Variants in SLCO1B3 observed in about 807,000 individuals in gnomAD.
The protein encoded by SLCO1B3 is liver-specific organic anion transporter 2.
SLCO1B3 carries 72 observed loss-of-function variants against 71.8 expected under a neutral mutation model. The ratio of observed to expected loss-of-function variants is 1.00; its 90% CI spans 0.83 to 1.22. The LOEUF is 1.22. Among genes scored for constraint, SLCO1B3 ranks in the 50% most tolerant of loss-of-function variants. The pLI is 0.00. For synonymous variants in SLCO1B3, 298 were observed against 278.4 expected (o/e 1.07, Z -0.70); for missense variants, 911 against 819.7 (o/e 1.11, Z -1.36).
chr12:20,885,985 G>A (rs1865785867), intron 13 of SLCO1B3, among the ~76,000 whole-genome samples: 1 of 152,084 alleles, frequency 6.6e-6, no homozygotes. Context: ...TTCACAATGA[G>A]GTATTATTGA....
At chr12:20,903,957 T>C (rs1866181040) in intron 15 of SLCO1B3, among the ~76,000 whole-genome samples, 1 of 152,092 alleles carries the variant, frequency 6.6e-6, no homozygotes, top group Admixed American at 6.6e-5. Flanking sequence ...TAGTTACTTC[T>C]GGCCAGGCGC....
rs564531696 is a variant in SLCO1B3, at chr12:20,832,088, A to G, written c.84+16266A>G. Among the ~76,000 whole-genome samples, 4 of 152,294 alleles carry G rather than the reference A, an allele frequency of 2.6e-5. No individual in the cohort carries two copies. In the South Asian group the frequency reaches 8.3e-4, roughly 32 times the overall value. On this transcript the variant is annotated intron_variant, in intron 3 of 15. Transcript: ENST00000381545. ...TTCCATGCTCTCAACTCTGTTTCAC[A>G]TTGCTAAAGTAACTGTGGACTTTTG...
chr12:20,885,158 C>A (rs977544774), intron 13 of SLCO1B3, among the ~76,000 whole-genome samples: 2 of 152,118 alleles, frequency 1.3e-5, no homozygotes, highest in Non-Finnish European at 2.9e-5. Context: ...TACCACTTAT[C>A]AGAGCATTTA....
chr12:20,869,874 G>A (rs1472719353), intron 8 of SLCO1B3, among the ~76,000 whole-genome samples: 2 of 152,026 alleles, frequency 1.3e-5, no homozygotes, highest in Non-Finnish European at 2.9e-5. Flanking sequence ...TCCATCATAT[G>A]GTAGTTCTAT....
At chr12:20,830,131 C>G (rs1488973653) in intron 3 of SLCO1B3, among the ~76,000 whole-genome samples, 2 of 152,186 alleles carry the variant, frequency 1.3e-5, no homozygotes, top group African/African-American at 4.8e-5. Flanking sequence ...TCACATGCCT[C>G]TGACAGTGTG....
chr12:20,821,907 C>T (rs561045576), intron 3 of SLCO1B3, among the ~76,000 whole-genome samples: 2 of 152,246 alleles, frequency 1.3e-5, no homozygotes, highest in South Asian at 2.1e-4. Context: ...TCTCCTTTGT[C>T]TCTATCCGAA....
At chr12:20,855,190 T>A (rs770328685) in intron 4 of SLCO1B3, 21 bp downstream of exon 4, 1 of 1,586,224 alleles carries the variant, frequency 6.3e-7, no homozygotes, top group East Asian at 2.2e-5. Context: ...TTTTTTCTAT[T>A]TGATAACCAT....
chr12:20,815,076 G>A (rs1017044031), intron 2 of SLCO1B3, among the ~76,000 whole-genome samples: 2 of 150,428 alleles, frequency 1.3e-5, no homozygotes, highest in African/African-American at 2.4e-5. Context: ...CATGATGATG[G>A]TAAGGTCAAG....
At chr12:20,861,652 T>C (rs1448107520) in intron 6 of SLCO1B3, among the ~76,000 whole-genome samples, 1 of 152,064 alleles carries the variant, frequency 6.6e-6, no homozygotes, top group Non-Finnish European at 1.5e-5. Context: ...AGATGCAAAA[T>C]GTTATAGCAT....
intron 3 of SLCO1B3, among the ~76,000 whole-genome samples, chr12:20,845,597 G>A (rs1431675104): frequency 6.8e-6 from 1 of 147,970 alleles, no homozygotes; most frequent in Non-Finnish European, 1.5e-5. Flanking sequence ...TATGTTTGGA[G>A]GTGCCTGAAT....
At chr12:20,914,009 C>T (rs1256856139) in intron 15 of SLCO1B3, among the ~76,000 whole-genome samples, 4 of 152,136 alleles carry the variant, frequency 2.6e-5, no homozygotes, top group Non-Finnish European at 5.9e-5. Flanking sequence ...CTTGATTCTC[C>T]CATCTTGGCC....
intron 2 of SLCO1B3, among the ~76,000 whole-genome samples, chr12:20,814,111 A>G (rs893128347): frequency 6.6e-6 from 1 of 152,162 alleles, no homozygotes; most frequent in African/African-American, 2.4e-5. Flanking sequence ...TATCTATGTT[A>G]TGTGTCTGCT....
chr12:20,894,847 A>G (rs1268398586), intron 13 of SLCO1B3, among the ~76,000 whole-genome samples: 2 of 152,108 alleles, frequency 1.3e-5, no homozygotes, highest in African/African-American at 2.4e-5. Flanking sequence ...TATGCTGCTG[A>G]TAAAGACATA....
chr12:20,856,833 T>C (rs1865149846), intron 4 of SLCO1B3, among the ~76,000 whole-genome samples: 2 of 152,182 alleles, frequency 1.3e-5, no homozygotes, highest in East Asian at 3.9e-4. Flanking sequence ...GTGCTGAGAT[T>C]ACAGACGTGA....
At chr12:20,836,931 G>A (rs980690752) in intron 3 of SLCO1B3, among the ~76,000 whole-genome samples, 11 of 152,150 alleles carry the variant, frequency 7.2e-5, no homozygotes, top group East Asian at 3.9e-4. Context: ...GTGAGCCACT[G>A]TGCTAGGCCC....
chr12:20,822,568 T>C (rs539193564), intron 3 of SLCO1B3, among the ~76,000 whole-genome samples: 3 of 152,204 alleles, frequency 2.0e-5, no homozygotes, highest in Non-Finnish European at 4.4e-5. Context: ...GGCGTATACG[T>C]GCAAGTCACA....
chr12:20,819,840 T>A (rs1341036645), intron 3 of SLCO1B3, among the ~76,000 whole-genome samples: 1 of 152,006 alleles, frequency 6.6e-6, no homozygotes, highest in Non-Finnish European at 1.5e-5. Flanking sequence ...AGTAGAGGTA[T>A]CTTATACTTG....
intron 12 of SLCO1B3, among the ~76,000 whole-genome samples, chr12:20,881,823 T>C (rs1246461294): frequency 6.6e-6 from 1 of 152,212 alleles, no homozygotes. Flanking sequence ...CCTTTCCCTA[T>C]TACCAACATT....
chr12:20,851,595 A>G (rs1865025910), intron 3 of SLCO1B3, among the ~76,000 whole-genome samples: 1 of 152,086 alleles, frequency 6.6e-6, no homozygotes, highest in South Asian at 2.1e-4. Flanking sequence ...GGGATTTGCA[A>G]TTATTTTCTG....
Sources: gnomAD v4.1 joint callset for allele counts (sites outside exome capture counted in the v4.1 genomes callset) on GRCh38, gnomAD v4.1.1 for gene constraint, MANE v1.5 for transcripts, NCBI Gene and HGNC (gene_info 2026-07-23, HGNC 2026-07-21) for gene names.